LINGO2: variants seen among roughly 807,000 people sequenced by gnomAD.
LINGO2 encodes leucine-rich repeat and immunoglobulin-like domain-containing nogo receptor-interacting protein 2.
Under a neutral mutation model 30.6 loss-of-function variants are expected in LINGO2, and 14 were observed. The ratio of observed to expected loss-of-function variants is 0.46; its 90% CI spans 0.30 to 0.72. The LOEUF is 0.72. Ranked by LOEUF, LINGO2 falls within the 30% of genes least tolerant of loss-of-function variation. The probability of loss-of-function intolerance (pLI) is 0.07; values close to 1 mark genes in which losing one functional copy is unlikely to be tolerated. For missense variants in LINGO2, 729 were observed against 751.7 expected (o/e 0.97, Z 0.35); for synonymous variants, 317 against 288.5 (o/e 1.10, Z -1.00).
At chr9:28,245,581 C>A (rs1435551052) in intron 4 of LINGO2, among the ~76,000 whole-genome samples, 1 of 152,056 alleles carries the variant, frequency 6.6e-6, no homozygotes, top group Non-Finnish European at 1.5e-5. Context: ...AGCTGATAAG[C>A]AATGTCAGCA....
intron 3 of LINGO2, among the ~76,000 whole-genome samples, chr9:28,342,462 C>T (rs1461135666): frequency 5.3e-5 from 8 of 152,128 alleles, no homozygotes; most frequent in Admixed American, 5.2e-4. Context: ...AGTGACCCAC[C>T]AGCCCACCAG....
At chr9:28,898,990 G>A in the LINGO2 span, among the ~76,000 whole-genome samples, 1 of 152,124 alleles carries the variant, frequency 6.6e-6, no homozygotes, top group Admixed American at 6.5e-5. Flanking sequence ...GAAGACATCA[G>A]CAATAGGTGG....
intron 2 of LINGO2, among the ~76,000 whole-genome samples, chr9:28,447,517 T>C (rs958210447): frequency 6.6e-6 from 1 of 152,174 alleles, no homozygotes; most frequent in Admixed American, 6.5e-5. Context: ...TTATTGTATT[T>C]CATTATAGCA....
At position 28,633,069 on chromosome 9, in the gene LINGO2, A is replaced by G. The variant is rs1587994211; in HGVS notation, c.-365+37131T>C. On this transcript the variant is annotated intron_variant, in intron 1 of 5. Coordinates refer to ENST00000379992, the Ensembl canonical transcript of LINGO2. ...AAGGGCAGGAAGCATCCAGCATAGG[A>G]GAAAGATGTAGACTAGGAGGCTAGG... Among the ~76,000 whole-genome samples, 6 of 151,696 alleles carry G rather than the reference A, an allele frequency of 4.0e-5. No individual in the cohort carries two copies. The South Asian group carries it at 1.0e-3, about 26-fold the overall frequency.
intron 3 of LINGO2, among the ~76,000 whole-genome samples, chr9:28,328,752 T>A (rs544625670): frequency 2.1e-4 from 32 of 152,270 alleles, no homozygotes; most frequent in South Asian, 1.9e-3. Flanking sequence ...TATAATCCAA[T>A]GGAACTCAAA....
At chr9:29,090,193 C>T in the LINGO2 span, among the ~76,000 whole-genome samples, 3 of 151,958 alleles carry the variant, frequency 2.0e-5, no homozygotes, top group Non-Finnish European at 2.9e-5. Context: ...TGCTTGCATG[C>T]ATCACAATGT....
intron 1 of LINGO2, among the ~76,000 whole-genome samples, chr9:28,483,880 C>G (rs778563456): frequency 6.6e-6 from 1 of 151,922 alleles, no homozygotes; most frequent in African/African-American, 2.4e-5. Flanking sequence ...TTGTTTTAAA[C>G]ACATTCTATT....
the LINGO2 span, among the ~76,000 whole-genome samples, chr9:29,016,850 A>T: frequency 6.6e-6 from 1 of 152,186 alleles, no homozygotes; most frequent in Non-Finnish European, 1.5e-5. Flanking sequence ...TCTACATATA[A>T]GAAGATCATC....
chr9:28,694,215 C>T, the LINGO2 span, among the ~76,000 whole-genome samples: 1 of 151,428 alleles, frequency 6.6e-6, no homozygotes, highest in South Asian at 2.1e-4. Context: ...ATTATGATCC[C>T]AGTTCAATTT....
chr9:28,424,970 C>A (rs1444931507), intron 2 of LINGO2, among the ~76,000 whole-genome samples: 1 of 151,848 alleles, frequency 6.6e-6, no homozygotes, highest in Non-Finnish European at 1.5e-5. Flanking sequence ...GATAGTAATA[C>A]CTGCCTTATA....
the LINGO2 span, among the ~76,000 whole-genome samples, chr9:28,756,996 A>C: frequency 6.6e-6 from 1 of 152,072 alleles, no homozygotes; most frequent in Non-Finnish European, 1.5e-5. Context: ...ACAATAAAGT[A>C]ATTTACCAGT....
At chr9:28,119,213 C>T (rs1827022429) in intron 4 of LINGO2, among the ~76,000 whole-genome samples, 1 of 152,092 alleles carries the variant, frequency 6.6e-6, no homozygotes, top group Non-Finnish European at 1.5e-5. Context: ...AACCAGCAAA[C>T]CCAATAACCT....
At chr9:28,405,750 G>A (rs1162980419) in intron 2 of LINGO2, among the ~76,000 whole-genome samples, 1 of 152,090 alleles carries the variant, frequency 6.6e-6, no homozygotes, top group South Asian at 2.1e-4. Flanking sequence ...TCCAGACATT[G>A]GTGTCAGGGC....
At chr9:29,075,245 T>A in the LINGO2 span, among the ~76,000 whole-genome samples, 1 of 152,168 alleles carries the variant, frequency 6.6e-6, no homozygotes, top group Non-Finnish European at 1.5e-5. Context: ...CTGAACTGAA[T>A]TGCTCAAAGT....
At chr9:28,848,397 GTATATATATA>G in the LINGO2 span, among the ~76,000 whole-genome samples, 151 of 48,436 alleles carry the variant, frequency 3.1e-3, 1 homozygote, top group South Asian at 0.016. Context: ...GTGTGTGTGT[GTATATATATA>G]TATATATATA....
Position 28,643,855 on chromosome 9 carries a change from C to A in LINGO2, c.-365+26345G>T, listed in dbSNP as rs60195929. ...ACTCTATAGAAAAAAACATAAAAAT[C>A]CACTTTAAAAATGAACAAAAGATCT... On this transcript the variant is annotated intron_variant, in intron 1 of 5. Coordinates refer to ENST00000379992, the Ensembl canonical transcript of LINGO2. Among the ~76,000 whole-genome samples, 1,244 of 151,922 alleles carry A rather than the reference C, an allele frequency of 8.2e-3. 25 individuals are homozygous for A. The highest frequency in any genetic ancestry group is 0.029 in the African/African-American group (1,199 of 41,472).
chr9:28,990,690 G>T, the LINGO2 span, among the ~76,000 whole-genome samples: 1 of 152,100 alleles, frequency 6.6e-6, no homozygotes, highest in Non-Finnish European at 1.5e-5. Flanking sequence ...AGCAGCATTC[G>T]CGGTTCACGA....
At chr9:28,721,287 G>T in the LINGO2 span, among the ~76,000 whole-genome samples, 1 of 152,204 alleles carries the variant, frequency 6.6e-6, no homozygotes, top group Non-Finnish European at 1.5e-5. Context: ...AATATCATTT[G>T]ACCCAGCAAT....
the LINGO2 span, among the ~76,000 whole-genome samples, chr9:28,718,231 T>C: frequency 1.3e-5 from 2 of 151,672 alleles, no homozygotes; most frequent in East Asian, 1.9e-4. Context: ...GTTAAGATGA[T>C]AAATAGCCTG....
Sources: gnomAD v4.1 joint callset for allele counts (sites outside exome capture counted in the v4.1 genomes callset) on GRCh38, gnomAD v4.1.1 for gene constraint, MANE v1.5 for transcripts, NCBI Gene and HGNC (gene_info 2026-07-23, HGNC 2026-07-21) for gene names.